The following SCRG1 variants were observed in gnomAD, a reference collection of about 807,000 sequenced individuals.
The protein encoded by SCRG1 is stimulator of chondrogenesis 1, also known as scrapie-responsive protein 1.
A neutral mutation model predicts 7.7 loss-of-function variants in SCRG1; 3 were observed. The ratio of observed to expected loss-of-function variants is 0.39; its 90% confidence interval spans 0.18 to 1.01. SCRG1 has a LOEUF of 1.01. Among genes scored for constraint, SCRG1 ranks in the 50% least tolerant of loss-of-function variants. The probability of loss-of-function intolerance (pLI) is 0.36; values close to 1 mark genes in which losing one functional copy is unlikely to be tolerated. For synonymous variants in SCRG1, 46 were observed against 41.2 expected (o/e 1.12, Z -0.44); for missense variants, 110 against 117.2 (o/e 0.94, Z 0.28).
chr4:173,500,516 G>A, the SCRG1 span, among the ~76,000 whole-genome samples: 2 of 151,666 alleles, frequency 1.3e-5, no homozygotes, highest in East Asian at 3.9e-4. Flanking sequence ...CTCAAGGCGC[G>A]TTGCTGAAGC....
chr4:173,437,640 G>GA, the SCRG1 span, among the ~76,000 whole-genome samples: 4 of 151,986 alleles, frequency 2.6e-5, 1 homozygote, highest in East Asian at 3.9e-4. Flanking sequence ...AAAGAAAACA[G>GA]AAAAAAAGAA....
At chr4:173,473,780 A>G in the SCRG1 span, among the ~76,000 whole-genome samples, 2 of 152,216 alleles carry the variant, frequency 1.3e-5, no homozygotes, top group African/African-American at 4.8e-5. Context: ...GTTGTGCTAA[A>G]GAGCTTGAAT....
chr4:173,455,255 G>T, the SCRG1 span, among the ~76,000 whole-genome samples: 44 of 152,018 alleles, frequency 2.9e-4, no homozygotes, highest in African/African-American at 1.0e-3. Flanking sequence ...ATATATTAAG[G>T]GGGTATTAAA....
At chr4:173,404,875 A>G (rs1739861831) in intron 1 of SCRG1, among the ~76,000 whole-genome samples, 1 of 152,212 alleles carries the variant, frequency 6.6e-6, no homozygotes, top group Non-Finnish European at 1.5e-5. Flanking sequence ...TCATTTTTAA[A>G]CAAACATTTT....
chr4:173,516,134 G>A, the SCRG1 span, among the ~76,000 whole-genome samples: 4 of 152,264 alleles, frequency 2.6e-5, no homozygotes, highest in East Asian at 1.9e-4. Context: ...GCTTCCTTCC[G>A]AGCACTTCTC....
the SCRG1 span, among the ~76,000 whole-genome samples, chr4:173,463,882 TG>T: frequency 6.6e-6 from 1 of 152,058 alleles, no homozygotes; most frequent in Non-Finnish European, 1.5e-5. Context: ...TTCTATCCAG[TG>T]GATCAATCAA....
At chr4:173,514,626 C>T in the SCRG1 span, among the ~76,000 whole-genome samples, 4 of 152,180 alleles carry the variant, frequency 2.6e-5, no homozygotes, top group South Asian at 6.2e-4. Flanking sequence ...GGGTGTGGAA[C>T]AATCGACCCC....
the SCRG1 span, among the ~76,000 whole-genome samples, chr4:173,498,426 T>C: frequency 6.6e-6 from 1 of 152,196 alleles, no homozygotes; most frequent in Non-Finnish European, 1.5e-5. Flanking sequence ...CCTAAACCTG[T>C]CACCAAGATT....
chr4:173,418,633 G>T, the SCRG1 span, among the ~76,000 whole-genome samples: 4 of 152,128 alleles, frequency 2.6e-5, no homozygotes, highest in Admixed American at 2.6e-4. Flanking sequence ...CTACTTCCAG[G>T]ATGATGTCTA....
the SCRG1 span, among the ~76,000 whole-genome samples, chr4:173,514,337 T>C: frequency 2.6e-5 from 4 of 152,216 alleles, no homozygotes; most frequent in Admixed American, 6.5e-5. Context: ...AAAAGAAAGA[T>C]TGACATTGTC....
At chr4:173,495,068 A>C in the SCRG1 span, among the ~76,000 whole-genome samples, 4 of 152,254 alleles carry the variant, frequency 2.6e-5, no homozygotes, top group African/African-American at 2.4e-5. Context: ...CATGAAAAAT[A>C]GGGAAAACAG....
the SCRG1 span, among the ~76,000 whole-genome samples, chr4:173,514,952 G>A: frequency 3.4e-4 from 51 of 152,178 alleles, no homozygotes; most frequent in East Asian, 5.8e-4. Flanking sequence ...AAACAGACCC[G>A]CCCCAAAACA....
chr4:173,414,583 C>T, the SCRG1 span, among the ~76,000 whole-genome samples: 2 of 152,152 alleles, frequency 1.3e-5, no homozygotes, highest in South Asian at 2.1e-4. Context: ...GCCCTCATGC[C>T]CTCTTGATCA....
At chr4:173,438,194 C>T in the SCRG1 span, among the ~76,000 whole-genome samples, 43,181 of 151,986 alleles carry the variant, frequency 0.28, 6,506 homozygotes, top group South Asian at 0.46. Context: ...GGGCTCACTG[C>T]AGTATTGACT....
the SCRG1 span, among the ~76,000 whole-genome samples, chr4:173,412,240 G>A: frequency 6.6e-6 from 1 of 152,152 alleles, no homozygotes; most frequent in Non-Finnish European, 1.5e-5. Context: ...AGAATTTCCA[G>A]TTTCTACCTG....
At chr4:173,506,592 G>T in the SCRG1 span, among the ~76,000 whole-genome samples, 1 of 152,214 alleles carries the variant, frequency 6.6e-6, no homozygotes, top group African/African-American at 2.4e-5. The surrounding 1 kb of genome is among the most constrained non-coding windows in gnomAD (Gnocchi z 5.3). Flanking sequence ...ATTAAAATCA[G>T]TTCCTTCCCT....
the SCRG1 span, among the ~76,000 whole-genome samples, chr4:173,516,256 T>A: frequency 1.5e-4 from 23 of 152,362 alleles, no homozygotes; most frequent in African/African-American, 5.5e-4. Context: ...GGTAGCAGTT[T>A]AAAATTATTG....
the SCRG1 span, among the ~76,000 whole-genome samples, chr4:173,438,590 A>G: frequency 1.3e-5 from 2 of 152,304 alleles, no homozygotes; most frequent in East Asian, 3.9e-4. Flanking sequence ...TGACTAATAT[A>G]TTAATCATGA....
At chr4:173,488,936 GAA>G in the SCRG1 span, among the ~76,000 whole-genome samples, 1 of 152,154 alleles carries the variant, frequency 6.6e-6, no homozygotes, top group Non-Finnish European at 1.5e-5. Context: ...ATGGCAGAAT[GAA>G]AAAGAGTGCT....
Sources: gnomAD v4.1 joint callset for allele counts (sites outside exome capture counted in the v4.1 genomes callset) on GRCh38, gnomAD v4.1.1 for gene constraint, Gnocchi (gnomAD v3.1) non-coding constraint, MANE v1.5 for transcripts, NCBI Gene and HGNC (gene_info 2026-07-23, HGNC 2026-07-21) for gene names.